Variants in GFRA1 observed in about 807,000 individuals in gnomAD.
The protein encoded by GFRA1 is GDNF family receptor alpha-1.
In GFRA1, 16 loss-of-function variants were observed where a neutral mutation model predicts 51.6. The observed-to-expected ratio is 0.31, with a 90% CI of 0.21 to 0.47. The LOEUF (loss-of-function observed/expected upper bound fraction) is 0.47, where lower values mean the gene tolerates loss of function less well. Among genes scored for constraint, GFRA1 ranks in the 20% least tolerant of loss-of-function variants. GFRA1 has a pLI of 1.00. For synonymous variants in GFRA1, 270 were observed against 241.3 expected (o/e 1.12, Z -1.10); for missense variants, 530 against 594.3 (o/e 0.89, Z 1.13).
intron 5 of GFRA1, among the ~76,000 whole-genome samples, chr10:116,194,345 A>G (rs367744194): frequency 6.6e-6 from 1 of 152,196 alleles, no homozygotes; most frequent in African/African-American, 2.4e-5. Context: ...CCAGTGAATC[A>G]TTCCTGACCC....
chr10:116,113,774 T>C (rs1438046024), intron 6 of GFRA1, among the ~76,000 whole-genome samples: 1 of 152,154 alleles, frequency 6.6e-6, no homozygotes, highest in Non-Finnish European at 1.5e-5. Context: ...TTGGGTGATG[T>C]GGAAGTTGTT....
chr10:116,084,363 C>A (rs879899805), intron 9 of GFRA1, among the ~76,000 whole-genome samples: 13 of 152,202 alleles, frequency 8.5e-5, no homozygotes, highest in Non-Finnish European at 1.3e-4. Flanking sequence ...TCACACTGGT[C>A]CTCCATGTCT....
rs1235846077 is a variant in GFRA1 at position 116,064,546 on chromosome 10, T to C, written c.1252-2A>G. ...GAGACCTTCTTTTTCATAATTACCC[T>C]GTAAGGAAGAATGGTTTCATTATCA... is the stretch of plus-strand genomic sequence containing the variant. On this transcript the variant is annotated splice_acceptor_variant, in intron 10 of 10. Coordinates refer to ENST00000355422, the MANE Select transcript of GFRA1 (RefSeq NM_005264.8). LOFTEE classifies it high-confidence loss of function. 6.2e-7 allele frequency: 1 copy of C among 1,610,844 alleles called. No individual in the cohort carries two copies. Among genetic ancestry groups the C allele is most frequent in the African/African-American group, 1.3e-5 (1 of 74,770 alleles).
chr10:116,093,380 T>C (rs928454313), intron 8 of GFRA1, among the ~76,000 whole-genome samples: 1 of 152,194 alleles, frequency 6.6e-6, no homozygotes, highest in Non-Finnish European at 1.5e-5. Flanking sequence ...GGTAGAAGCG[T>C]TCTTTCCCAC....
At position 116,125,233 on chromosome 10, in the gene GFRA1, T is replaced by A. The variant is rs764702741; in HGVS notation, c.758A>T (p.Asn253Ile). Residue 253 changes from asparagine to isoleucine, a missense_variant, in exon 6 of 11, where the codon AAT becomes ATT. Transcript: ENST00000355422. Reference sequence around the variant, plus strand: ...AGTGCCCACTTACCTGCAGATGTAATTCGTCTTGCAGGAGTCCTGCAAATT... The same window carrying A: ...AGTGCCCACTTACCTGCAGATGTAAATCGTCTTGCAGGAGTCCTGCAAATT... ...CLNLQDSCKT[N>I]YICRSRLADF... The A allele has an allele frequency of 6.2e-7, 1 of 1,614,042 alleles. No homozygotes were observed. Among genetic ancestry groups the A allele is most frequent in the Non-Finnish European group, 8.5e-7 (1 of 1,179,910 alleles).
intron 6 of GFRA1, among the ~76,000 whole-genome samples, chr10:116,124,097 G>A (rs1957753749): frequency 6.6e-6 from 1 of 152,064 alleles, no homozygotes; most frequent in Admixed American, 6.5e-5. Flanking sequence ...TAGAGGCAGG[G>A]TTTCACCATG....
intron 5 of GFRA1, among the ~76,000 whole-genome samples, chr10:116,196,258 G>C (rs975254301): frequency 6.6e-6 from 1 of 150,968 alleles, no homozygotes; most frequent in African/African-American, 2.4e-5. Flanking sequence ...GGGAGGCTGA[G>C]GTGAGTGGAT....
At chr10:116,160,982 T>G (rs1959713988) in intron 5 of GFRA1, among the ~76,000 whole-genome samples, 1 of 152,214 alleles carries the variant, frequency 6.6e-6, no homozygotes, top group Non-Finnish European at 1.5e-5. Context: ...CATACTCCTT[T>G]CTCAGGAGAA....
chr10:116,209,314 A>T (rs2694769), intron 5 of GFRA1, among the ~76,000 whole-genome samples: 1 of 151,938 alleles, frequency 6.6e-6, no homozygotes, highest in Non-Finnish European at 1.5e-5. Context: ...CTCTGAGAAC[A>T]TCTGATGTTG....
intron 4 of GFRA1, among the ~76,000 whole-genome samples, chr10:116,239,140 A>T (rs1249116282): frequency 6.6e-6 from 1 of 152,222 alleles, no homozygotes; most frequent in East Asian, 1.9e-4. Flanking sequence ...GTTTTCATTT[A>T]AAATGTTTAT....
At chr10:116,090,903 T>C (rs1237821078) in intron 8 of GFRA1, among the ~76,000 whole-genome samples, 22 of 152,194 alleles carry the variant, frequency 1.4e-4, no homozygotes, top group Admixed American at 1.4e-3. Flanking sequence ...TTGTTATCCT[T>C]TAAGTTCAGT....
intron 5 of GFRA1, among the ~76,000 whole-genome samples, chr10:116,208,704 T>C (rs1964969063): frequency 6.6e-6 from 1 of 152,236 alleles, no homozygotes; most frequent in Non-Finnish European, 1.5e-5. Context: ...CCAAGCGGCT[T>C]GCTCAGTTTC....
intron 5 of GFRA1, among the ~76,000 whole-genome samples, chr10:116,207,681 T>C (rs1291981259): frequency 6.6e-6 from 1 of 152,132 alleles, no homozygotes; most frequent in Admixed American, 6.5e-5. Flanking sequence ...TGCAGAAAAG[T>C]GGCTTTTTAA....
chr10:116,128,521 C>T (rs1014088416), intron 5 of GFRA1, among the ~76,000 whole-genome samples: 13 of 151,858 alleles, frequency 8.6e-5, no homozygotes, highest in African/African-American at 3.1e-4. Flanking sequence ...GTCAGGAGAT[C>T]GAGACCACCC....
intron 9 of GFRA1, among the ~76,000 whole-genome samples, chr10:116,072,752 C>T (rs1415574825): frequency 6.6e-6 from 1 of 152,040 alleles, no homozygotes; most frequent in African/African-American, 2.4e-5. Context: ...CAGAGATAGA[C>T]TCCATCTCAA....
chr10:116,079,124 A>T (rs1955741394), intron 9 of GFRA1, among the ~76,000 whole-genome samples: 1 of 151,930 alleles, frequency 6.6e-6, no homozygotes, highest in Non-Finnish European at 1.5e-5. Context: ...AGGATGAGAC[A>T]CCAGAGGTCT....
chr10:116,185,549 C>T (rs2134293894), intron 5 of GFRA1, among the ~76,000 whole-genome samples: 1 of 152,230 alleles, frequency 6.6e-6, no homozygotes, highest in South Asian at 2.1e-4. Flanking sequence ...GGCCAGGTGC[C>T]CCATAATCAA....
At chr10:116,170,874 T>C (rs974824813) in intron 5 of GFRA1, among the ~76,000 whole-genome samples, 4 of 152,222 alleles carry the variant, frequency 2.6e-5, no homozygotes, top group Non-Finnish European at 4.4e-5. Context: ...ACAGCTGCTG[T>C]AACCTCCTGT....
At chr10:116,107,725 A>G (rs1050763950) in intron 6 of GFRA1, among the ~76,000 whole-genome samples, 2 of 152,200 alleles carry the variant, frequency 1.3e-5, no homozygotes, top group African/African-American at 4.8e-5. Context: ...GTGTTGAGGT[A>G]AGTATCACAG....
Sources: allele counts gnomAD v4.1 joint callset (sites outside exome capture counted in the v4.1 genomes callset), GRCh38; gene constraint gnomAD v4.1.1; transcripts MANE v1.5; gene names NCBI Gene and HGNC (gene_info 2026-07-23, HGNC 2026-07-21).